Variants in ATP1A1 observed in about 807,000 individuals in gnomAD.
ATP1A1 encodes the protein sodium/potassium-transporting ATPase subunit alpha-1.
In ATP1A1, 14 loss-of-function variants were observed where a neutral mutation model predicts 114.8. That is an observed-to-expected ratio of 0.12 (90% confidence interval 0.08 to 0.19). ATP1A1 has a LOEUF of 0.19. Among genes scored for constraint, ATP1A1 ranks in the 10% least tolerant of loss-of-function variants. The pLI, the probability that ATP1A1 is intolerant of heterozygous loss-of-function variation, is 1.00. For missense variants in ATP1A1, 524 were observed against 1,290.7 expected (o/e 0.41, Z 9.10); for synonymous variants, 471 against 466.3 (o/e 1.01, Z -0.13).
intron 9 of ATP1A1, 95 bp downstream of exon 9, chr1:116,390,506 A>C: frequency 8.4e-7 from 1 of 1,190,614 alleles, no homozygotes; most frequent in Non-Finnish European, 1.2e-6. Context: ...TTTTTTTTTT[A>C]AGCTCATGGC....
rs528996011 is a variant in ATP1A1, at chr1:116,374,622, A to T, written c.12+1099A>T. On this transcript the variant is annotated intron_variant, in intron 1 of 22. Coordinates refer to ENST00000295598, the MANE Select transcript of ATP1A1 (RefSeq NM_000701.8). The stretch of plus-strand genomic sequence containing the variant: ...CCCCTAGCTATTACCCGTGCAGGAG[A>T]CTGGGCCCTGGACCCCAAATGAGCC... Among the ~76,000 whole-genome samples the T allele has an allele frequency of 1.6e-4, 25 of 152,316 alleles. 1 individual carries two copies. Among genetic ancestry groups the T allele is most frequent in the Admixed American group, 1.4e-3 (21 of 15,306 alleles).
At position 116,396,714 on chromosome 1, in the gene ATP1A1, A is replaced by C. The variant is rs761265037; in HGVS notation, c.1953A>C (p.Pro651=). ...ACATTGCTGCCCGCCTCAACATCCC[A>C]GTCAGCCAGGTGAACCCCAGGTAAG... ...VEDIAARLNI[P]VSQVNPRDAK... The change falls in exon 14 of 23, where the codon CCA becomes CCC. Residue 651 remains proline (P), a synonymous_variant. Transcript: ENST00000295598. 1 of 1,591,066 alleles carries C rather than the reference A, an allele frequency of 6.3e-7. No individual in the cohort carries two copies. The highest frequency in any genetic ancestry group is 8.6e-7 in the Non-Finnish European group (1 of 1,165,324).
intron 1 of ATP1A1, chr1:116,382,328 T>C (rs1401910518): frequency 2.0e-5 from 3 of 152,238 alleles, no homozygotes; most frequent in Non-Finnish European, 4.4e-5. Context: ...CTGTGGTTCC[T>C]TTCTGGTAGA....
Position 116,385,170 on chromosome 1 carries a change from A to G in ATP1A1, c.183+328A>G, listed in dbSNP as rs1024025711. The stretch of plus-strand genomic sequence containing the variant: ...TGATAAATTTTCCCTTTATTTTTCT[A>G]CATTTGTTAAATAGAGTTGAATCTT... On this transcript the variant is annotated intron_variant, in intron 3 of 22. Transcript: ENST00000295598. This position sits in a 1 kb window ranked among gnomAD's most constrained non-coding sequence, Gnocchi z 4.3. The G allele has an allele frequency of 1.2e-4, 34 of 291,466 alleles. No homozygotes were observed. The South Asian group carries it at 1.2e-3, about 10-fold the overall frequency. 18.1% of individuals were successfully genotyped at this position (291,466 alleles called of 1,614,324 possible).
rs1281516924 is a variant in ATP1A1, at chr1:116,403,856, A to G, written c.2952-28A>G. The G allele has an allele frequency of 2.6e-6, 4 of 1,568,218 alleles. No homozygotes were observed. In the African/African-American group the frequency reaches 5.5e-5, roughly 21 times the overall value. ...TTATTTGAACTGTGTTCGTGTGCAT[A>G]TAAATTGGTACCTTACTCTATTTCC... On this transcript the variant is annotated intron_variant, in intron 21 of 22. Transcript: ENST00000295598.
rs1270406419 is a variant in ATP1A1 at position 116,374,291 on chromosome 1, A to G, written c.12+768A>G. 3 of 1,551,520 alleles carry G rather than the reference A, an allele frequency of 1.9e-6. No individual in the cohort carries two copies. The East Asian group carries it at 7.3e-5, about 38-fold the overall frequency. On this transcript the variant is annotated intron_variant, in intron 1 of 22. Transcript: ENST00000295598. ...GCCACTTTCCGTAAACACAGGATGC[A>G]CCGATGGCAACTGGAGTTGTCATCC... is the stretch of plus-strand genomic sequence containing the variant.
chr1:116,396,451 G>C, intron 13 of ATP1A1, 147 bp from the exon 14 acceptor site: 1 of 1,020,440 alleles, frequency 9.8e-7, no homozygotes, highest in Non-Finnish European at 1.4e-6. Flanking sequence ...TTGGCTAATC[G>C]ATGTTTATTA....
chr1:116,399,254 C>G lies in ATP1A1; in HGVS notation c.2449-166C>G, dbSNP rs1570976081. Reference sequence around the variant, plus strand: ...GCTTCACAGAATCAGTATTACCACTCTTCAAGGCAGCAGTTAACATTTGTT... The same window carrying G: ...GCTTCACAGAATCAGTATTACCACTGTTCAAGGCAGCAGTTAACATTTGTT... On this transcript the variant is annotated intron_variant, in intron 17 of 22. Transcript: ENST00000295598. The surrounding 1 kb of genome is among the most constrained non-coding windows in gnomAD (Gnocchi z 5.0). 6.7e-6 allele frequency: 9 copies of G among 1,335,540 alleles called. No homozygotes were observed. In the East Asian group the frequency reaches 2.1e-4, roughly 32 times the overall value. The allele number at this position is 1,335,540 out of a possible 1,614,324, so 82.7% of individuals were successfully genotyped here. A position where few individuals can be genotyped will look rare whatever the true frequency, so the allele number is the denominator to read the frequency against.
chr1:116,387,366 G>C lies in ATP1A1; in HGVS notation c.262G>C (p.Glu88Gln). 1 of 1,614,170 alleles carries C rather than the reference G, an allele frequency of 6.2e-7. No homozygotes were observed. The highest frequency in any genetic ancestry group is 8.5e-7 in the Non-Finnish European group (1 of 1,180,044). Residue 88 changes from glutamate to glutamine, a missense_variant, in exon 4 of 23, where the codon GAA becomes CAA. Coordinates refer to ENST00000295598, the MANE Select transcript of ATP1A1 (RefSeq NM_000701.8). This position sits in a 1 kb window ranked among gnomAD's most constrained non-coding sequence, Gnocchi z 6.7. ...NALTPPPTTP[E>Q]WIKFCRQLFG... ...CCTCACTCCCCCTCCCACTACTCCT[G>C]AATGGATCAAGTTTTGTCGGCAGCT... is the stretch of plus-strand genomic sequence containing the variant.
chr1:116,376,157 G>C (rs1045966789), intron 1 of ATP1A1, among the ~76,000 whole-genome samples: 4 of 152,164 alleles, frequency 2.6e-5, no homozygotes, highest in African/African-American at 9.6e-5. Flanking sequence ...ATGAGGAGGG[G>C]GGGTCTCACC....
Position 116,390,357 on chromosome 1 carries a change from C to T in ATP1A1, c.1168C>T (p.His390Tyr). 6.2e-7 allele frequency: 1 copy of T among 1,614,108 alleles called. No individual in the cohort carries two copies. The highest frequency in any genetic ancestry group is 8.5e-7 in the Non-Finnish European group (1 of 1,180,022). Residue 390 changes from histidine (H) to tyrosine (Y), a missense_variant, in exon 9 of 23, where the codon CAC becomes TAC. Coordinates refer to ENST00000295598, the MANE Select transcript of ATP1A1 (RefSeq NM_000701.8). ...TLTQNRMTVA[H>Y]MWFDNQIHEA... ...GACTCAGAACCGGATGACAGTGGCCCACATGTGGTTTGACAATCAAATCCA... is the reference window on the plus strand; with the variant it reads ...GACTCAGAACCGGATGACAGTGGCCTACATGTGGTTTGACAATCAAATCCA...
chr1:116,373,725 A>T, intron 1 of ATP1A1: 1 of 728,716 alleles, frequency 1.4e-6, no homozygotes, highest in Non-Finnish European at 1.6e-6. Flanking sequence ...GGGGGAAGGG[A>T]GCGCCGAGGG....
In ATP1A1 at chr1:116,395,709, C is replaced by T. The variant is rs746631859; in HGVS notation, c.1836+424C>T. Among the ~76,000 whole-genome samples the T allele has an allele frequency of 2.0e-5, 3 of 151,998 alleles. No individual in the cohort carries two copies. The highest frequency in any genetic ancestry group is 4.4e-5 in the Non-Finnish European group (3 of 68,026). On this transcript the variant is annotated intron_variant, in intron 13 of 22. Coordinates refer to ENST00000295598, the MANE Select transcript of ATP1A1 (RefSeq NM_000701.8). This position sits in a 1 kb window ranked among gnomAD's most constrained non-coding sequence, Gnocchi z 6.4. ...GAATATTACTCAAGTGCACTAATATCCTGTTGCTGGGTATTTGGTTTCTGT... is the reference window on the plus strand; with the variant it reads ...GAATATTACTCAAGTGCACTAATATTCTGTTGCTGGGTATTTGGTTTCTGT...
rs1229940677 is a variant in ATP1A1 at position 116,387,684 on chromosome 1, C to T, written c.387+193C>T. Among the ~76,000 whole-genome samples, 4 of 152,224 alleles carry T rather than the reference C, an allele frequency of 2.6e-5. No homozygotes were observed. The highest frequency in any genetic ancestry group is 2.1e-4 in the South Asian group (1 of 4,832). On this transcript the variant is annotated intron_variant, in intron 4 of 22. Coordinates refer to ENST00000295598, the MANE Select transcript of ATP1A1 (RefSeq NM_000701.8). This position sits in a 1 kb window ranked among gnomAD's most constrained non-coding sequence, Gnocchi z 6.7. ...TTCCATTTCCTCTCTCTACCACCCACGTTGTAGATGCTCTTACAAGTGGGA... is the reference window on the plus strand; with the variant it reads ...TTCCATTTCCTCTCTCTACCACCCATGTTGTAGATGCTCTTACAAGTGGGA...
chr1:116,392,000 G>A (rs1455229866), intron 10 of ATP1A1, among the ~76,000 whole-genome samples: 1 of 152,112 alleles, frequency 6.6e-6, no homozygotes, highest in African/African-American at 2.4e-5. Flanking sequence ...TATTTAAAAT[G>A]TCCCCCACTT....
intron 1 of ATP1A1, among the ~76,000 whole-genome samples, chr1:116,375,551 C>G (rs372707044): frequency 6.2e-4 from 94 of 152,308 alleles, no homozygotes; most frequent in African/African-American, 2.2e-3. Flanking sequence ...GGCTAGCAAA[C>G]ACAAGATTAA....
Position 116,397,860 on chromosome 1 carries a change from T to C in ATP1A1, c.1974-28T>C, listed in dbSNP as rs1367824182. ...ACATGCTGGTGATGTGATGCGTGACTTTTTTTTTTTTTTTGTCCTAATTCT... is the reference window on the plus strand; with the variant it reads ...ACATGCTGGTGATGTGATGCGTGACCTTTTTTTTTTTTTTGTCCTAATTCT... On this transcript the variant is annotated intron_variant, in intron 14 of 22. Coordinates refer to ENST00000295598, the MANE Select transcript of ATP1A1 (RefSeq NM_000701.8). The surrounding 1 kb of genome is among the most constrained non-coding windows in gnomAD (Gnocchi z 4.2). 3 of 187,126 alleles carry C rather than the reference T, an allele frequency of 1.6e-5. No homozygotes were observed. Among genetic ancestry groups the C allele is most frequent in the South Asian group, 8.9e-5 (1 of 11,222 alleles). 11.6% of individuals were successfully genotyped at this position (187,126 alleles called of 1,614,324 possible). A position where few individuals can be genotyped will look rare whatever the true frequency, so the allele number is the denominator to read the frequency against.
At chr1:116,400,606 C>G (rs1357568998) in intron 18 of ATP1A1, among the ~76,000 whole-genome samples, 1 of 152,194 alleles carries the variant, frequency 6.6e-6, no homozygotes, top group Non-Finnish European at 1.5e-5. Flanking sequence ...GAGCAAGGCA[C>G]ATGTGTCTTT....
intron 21 of ATP1A1, 115 bp from the exon 22 acceptor site, chr1:116,403,769 C>G: frequency 2.3e-6 from 2 of 869,582 alleles, no homozygotes; most frequent in South Asian, 1.6e-5. Flanking sequence ...TGTGACTGTA[C>G]TTGGCTTCTC....
Sources: gnomAD v4.1 joint callset for allele counts (sites outside exome capture counted in the v4.1 genomes callset) on GRCh38, gnomAD v4.1.1 for gene constraint, Gnocchi (gnomAD v3.1) non-coding constraint, MANE v1.5 for transcripts, NCBI Gene and HGNC (gene_info 2026-07-23, HGNC 2026-07-21) for gene names.